AKAP8: variants seen among roughly 807,000 people sequenced by gnomAD.
AKAP8 encodes A-kinase anchor protein 8.
Under a neutral mutation model 67.5 loss-of-function variants are expected in AKAP8, and 24 were observed. The ratio of observed to expected loss-of-function variants is 0.36; its 90% confidence interval spans 0.26 to 0.50. The LOEUF (loss-of-function observed/expected upper bound fraction) is 0.50, where lower values mean the gene tolerates loss of function less well. Ranked by LOEUF, AKAP8 falls within the 20% of genes least tolerant of loss-of-function variation. The probability of loss-of-function intolerance (pLI) is 0.97; values close to 1 mark genes in which losing one functional copy is unlikely to be tolerated. For synonymous variants in AKAP8, 400 were observed against 371.1 expected, an observed-to-expected ratio of 1.08 and a Z score of -0.90; for missense variants, 971 against 955.9, an observed-to-expected ratio of 1.02 and a Z score of -0.21.
At position 15,374,647 on chromosome 19, in the gene AKAP8, CAG is replaced by C. The variant is rs1412438097; in HGVS notation, c.59-14_59-13del. 5.5e-5 allele frequency: 89 copies of C among 1,612,868 alleles called. No homozygotes were observed. Among genetic ancestry groups the C allele is most frequent in the Non-Finnish European group, 7.2e-5 (85 of 1,179,406 alleles). ...AGTTCCATATGCACCTTAGGGGAAACAGAAACACACAAGAGCCCTGTTTGCAG... is the reference window on the plus strand; with the variant it reads ...AGTTCCATATGCACCTTAGGGGAAACAAACACACAAGAGCCCTGTTTGCAG... On this transcript the variant is annotated splice_polypyrimidine_tract_variant and intron_variant, in intron 2 of 13. Coordinates refer to ENST00000269701, the MANE Select transcript of AKAP8 (RefSeq NM_005858.4).
At chr19:15,363,480 G>C (rs1967013193) in intron 9 of AKAP8, among the ~76,000 whole-genome samples, 2 of 140,842 alleles carry the variant, frequency 1.4e-5, no homozygotes, top group South Asian at 4.6e-4. Flanking sequence ...CCGGGAGGGA[G>C]GTGGGGGGGG....
At chr19:15,363,131 C>T (rs1030433730) in intron 9 of AKAP8, among the ~76,000 whole-genome samples, 29 of 151,378 alleles carry the variant, frequency 1.9e-4, no homozygotes, top group African/African-American at 5.8e-4. Context: ...GCAGCCGCCC[C>T]GTCTGAGAAG....
intron 2 of AKAP8, among the ~76,000 whole-genome samples, chr19:15,374,969 T>C (rs1333184186): frequency 6.6e-6 from 1 of 152,026 alleles, no homozygotes; most frequent in Non-Finnish European, 1.5e-5. Flanking sequence ...TCGTAAAGGG[T>C]CAGTTCCCAT....
chr19:15,366,317 ATAAT>A (rs1413851470), intron 9 of AKAP8, among the ~76,000 whole-genome samples: 1 of 152,082 alleles, frequency 6.6e-6, no homozygotes, highest in Non-Finnish European at 1.5e-5. Context: ...AAGTTTAAAA[ATAAT>A]TAAAAAGAAA....
At chr19:15,365,240 T>C (rs1269844017) in intron 9 of AKAP8, among the ~76,000 whole-genome samples, 1 of 152,192 alleles carries the variant, frequency 6.6e-6, no homozygotes, top group South Asian at 2.1e-4. Flanking sequence ...TCATTTTACG[T>C]GCAGACAAAA....
rs2048257952 is a variant in AKAP8, at chr19:15,353,447, C to T, written c.*1468G>A. 3 of 149,144 alleles carry T rather than the reference C, an allele frequency of 2.0e-5. No homozygotes were observed. Among genetic ancestry groups the T allele is most frequent in the South Asian group, 2.1e-4 (1 of 4,688 alleles). The allele number at this position is 149,144 out of a possible 1,614,324, so 9.2% of individuals were successfully genotyped here. ...GCCTTAAGAGAACAAGCTTAAAAGG[C>T]ATGCTCACCCTGCGATTAAGACGCA... On this transcript the variant is annotated 3_prime_UTR_variant, in exon 14 of 14. Coordinates refer to ENST00000269701, the MANE Select transcript of AKAP8 (RefSeq NM_005858.4).
In AKAP8 at chr19:15,353,645, G is replaced by C. The variant is rs912403556; in HGVS notation, c.*1270C>G. 2 of 152,106 alleles carry C rather than the reference G, an allele frequency of 1.3e-5. No homozygotes were observed. Among genetic ancestry groups the C allele is most frequent in the Non-Finnish European group, 2.9e-5 (2 of 68,024 alleles). The allele number at this position is 152,106 out of a possible 1,614,324, so 9.4% of individuals were successfully genotyped here. A position where few individuals can be genotyped will look rare whatever the true frequency, so the allele number is the denominator to read the frequency against. On this transcript the variant is annotated 3_prime_UTR_variant, in exon 14 of 14. Transcript: ENST00000269701. ...CCAATTCCTAGAATGTGCTTGGTGA[G>C]TTAGCCCCTGGTATACAGTAGAGGC...
intron 9 of AKAP8, among the ~76,000 whole-genome samples, chr19:15,367,262 G>A (rs1424573263): frequency 1.3e-5 from 2 of 152,170 alleles, no homozygotes; most frequent in East Asian, 3.9e-4. Flanking sequence ...GGGCGCAGTG[G>A]CTCACGCTTG....
At chr19:15,375,386 C>T (rs1463443336) in intron 2 of AKAP8, among the ~76,000 whole-genome samples, 5 of 152,190 alleles carry the variant, frequency 3.3e-5, no homozygotes, top group Admixed American at 3.3e-4. Flanking sequence ...AGTACCAGCA[C>T]ACTGCCCGTA....
chr19:15,357,070 G>GC (rs1966893905), intron 13 of AKAP8, among the ~76,000 whole-genome samples: 1 of 152,058 alleles, frequency 6.6e-6, no homozygotes, highest in Non-Finnish European at 1.5e-5. Flanking sequence ...GCAATTCACT[G>GC]CCTCAGCCTC....
At chr19:15,357,147 G>C (rs1966894858) in intron 13 of AKAP8, among the ~76,000 whole-genome samples, 1 of 151,592 alleles carries the variant, frequency 6.6e-6, no homozygotes, top group African/African-American at 2.4e-5. Flanking sequence ...TTTTAGTAGA[G>C]ATGGGGTTTC....
At chr19:15,378,041 C>T (rs900300915) in intron 1 of AKAP8, among the ~76,000 whole-genome samples, 4 of 152,178 alleles carry the variant, frequency 2.6e-5, no homozygotes, top group African/African-American at 9.7e-5. Context: ...TCTCCCTCAC[C>T]AGAACAACTC....
intron 9 of AKAP8, among the ~76,000 whole-genome samples, chr19:15,364,922 G>GA (rs1426653448): frequency 1.2e-4 from 18 of 152,340 alleles, no homozygotes; most frequent in South Asian, 2.1e-4. Context: ...CTCAGCCAGG[G>GA]AAAGTGGCTG....
At chr19:15,368,155 G>A (rs1010612662) in intron 9 of AKAP8, 80 bp downstream of exon 9, 10 of 1,566,740 alleles carry the variant, frequency 6.4e-6, no homozygotes, top group Non-Finnish European at 8.6e-6. Context: ...CAGCATTGTG[G>A]AGCGAGGACA....
At chr19:15,376,373 G>A (rs1208312463) in intron 2 of AKAP8, among the ~76,000 whole-genome samples, 1 of 152,088 alleles carries the variant, frequency 6.6e-6, no homozygotes, top group Non-Finnish European at 1.5e-5. Flanking sequence ...AAATTAGCTG[G>A]GCGCAGTGGT....
At chr19:15,361,968 G>C in intron 10 of AKAP8, 142 bp downstream of exon 10, 1 of 1,373,460 alleles carries the variant, frequency 7.3e-7, no homozygotes, top group Non-Finnish European at 9.9e-7. Context: ...TTGTCCCTGT[G>C]ACTCAGGGAC....
Position 15,373,970 on chromosome 19 carries a change from C to T in AKAP8, c.187G>A (p.Ala63Thr). The T allele has an allele frequency of 2.5e-6, 4 of 1,613,446 alleles. No individual in the cohort carries two copies. The highest frequency in any genetic ancestry group is 3.4e-6 in the Non-Finnish European group (4 of 1,179,774). ...CCGGCCGCCAGGCCGCCATCATTGG[C>T]CTTGGCGGCCTCCCACGAGGCTGGG... is the stretch of plus-strand genomic sequence containing the variant. ...YGPASWEAAK[A>T]NDGGLAAGAP... The change falls in exon 4 of 14, where the codon GCC (alanine) becomes ACC (threonine). Residue 63 changes from alanine to threonine, a missense_variant. By Grantham distance (58) the Ala-to-Thr change is moderately conservative. Transcript: ENST00000269701.
chr19:15,368,220 G>T lies in AKAP8; in HGVS notation c.1160+15C>A. The T allele has an allele frequency of 6.2e-7, 1 of 1,610,074 alleles. No individual in the cohort carries two copies. On this transcript the variant is annotated intron_variant, in intron 9 of 13. Coordinates refer to ENST00000269701, the MANE Select transcript of AKAP8 (RefSeq NM_005858.4). ...AGTCCACCTCCTCCTGTGGGGTCGT[G>T]TGCCCGCGCCTCACCTGTCGGCTGC...
At chr19:15,368,932 C>A in intron 8 of AKAP8, 1 of 985,990 alleles carries the variant, frequency 1.0e-6, no homozygotes, top group Non-Finnish European at 1.2e-6. Context: ...TGGGAAGAGA[C>A]CAATTGGTCC....
Sources: allele counts gnomAD v4.1 joint callset (sites outside exome capture counted in the v4.1 genomes callset), GRCh38; gene constraint gnomAD v4.1.1; transcripts MANE v1.5; gene names NCBI Gene and HGNC (gene_info 2026-07-23, HGNC 2026-07-21).